NCOA1: variants seen among roughly 807,000 people sequenced by gnomAD.
NCOA1 encodes nuclear receptor coactivator 1.
Under a neutral mutation model 150.9 loss-of-function variants are expected in NCOA1, and 35 were observed. The ratio of observed to expected loss-of-function variants is 0.23; its 90% CI spans 0.18 to 0.31. The LOEUF (loss-of-function observed/expected upper bound fraction) is 0.31, where lower values mean the gene tolerates loss of function less well. Ranked by LOEUF, NCOA1 falls within the 10% of genes least tolerant of loss-of-function variation. NCOA1 has a pLI of 1.00. For missense variants in NCOA1, 1,491 were observed against 1,749.3 expected (o/e 0.85, Z 2.63); for synonymous variants, 590 against 630.0 (o/e 0.94, Z 0.95).
intron 1 of NCOA1, among the ~76,000 whole-genome samples, chr2:24,534,121 G>T (rs529893493): frequency 2.0e-5 from 3 of 152,214 alleles, no homozygotes; most frequent in African/African-American, 7.2e-5. Context: ...CAATTTCAGA[G>T]CCTGTTATTG....
chr2:24,522,612 T>G (rs1664462568), intron 1 of NCOA1, among the ~76,000 whole-genome samples: 1 of 152,052 alleles, frequency 6.6e-6, no homozygotes, highest in African/African-American at 2.4e-5. Context: ...TTAGCAATGG[T>G]ATAGAAATGG....
At chr2:24,594,528 A>T (rs1333223615) in intron 3 of NCOA1, among the ~76,000 whole-genome samples, 1 of 152,118 alleles carries the variant, frequency 6.6e-6, no homozygotes, top group Non-Finnish European at 1.5e-5. Flanking sequence ...ATCCTAGGAG[A>T]AATTTGCACA....
chr2:24,750,906 T>C (rs955711946), intron 19 of NCOA1, among the ~76,000 whole-genome samples: 2 of 146,822 alleles, frequency 1.4e-5, no homozygotes, highest in African/African-American at 5.1e-5. Flanking sequence ...TAAGTCTGAA[T>C]AAAGCTTAAA....
chr2:24,630,908 G>A (rs552094671), intron 3 of NCOA1, among the ~76,000 whole-genome samples: 1 of 152,084 alleles, frequency 6.6e-6, no homozygotes, highest in East Asian at 1.9e-4. Flanking sequence ...TACATGTATC[G>A]AATATTTTAC....
chr2:24,528,403 G>A (rs1664738938), intron 1 of NCOA1, among the ~76,000 whole-genome samples: 1 of 144,888 alleles, frequency 6.9e-6, no homozygotes, highest in African/African-American at 2.6e-5. Flanking sequence ...CTGGAATGCA[G>A]TGGTTTGATC....
chr2:24,521,172 A>T (rs1177810677), intron 1 of NCOA1, among the ~76,000 whole-genome samples: 1 of 152,172 alleles, frequency 6.6e-6, no homozygotes, highest in Non-Finnish European at 1.5e-5. Flanking sequence ...GGTATACAAC[A>T]TGGTATTTTG....
chr2:24,711,694 A>G (rs143618447), intron 14 of NCOA1, among the ~76,000 whole-genome samples: 7 of 152,338 alleles, frequency 4.6e-5, no homozygotes, highest in Non-Finnish European at 8.8e-5. Flanking sequence ...TTAGGAGACA[A>G]CTGTGTTAAA....
chr2:24,491,491 C>T lies in NCOA1; in HGVS notation c.-507C>T, dbSNP rs1662950513. ...GGACCCCTGCTCCGGAGGAGGGGGCCGGAGAGCCGCGGCGCCGGGCCCGAG... is the reference window on the plus strand; with the variant it reads ...GGACCCCTGCTCCGGAGGAGGGGGCTGGAGAGCCGCGGCGCCGGGCCCGAG... On this transcript the variant is annotated 5_prime_UTR_variant, in exon 1 of 23. Transcript: ENST00000348332. Among the ~76,000 whole-genome samples the T allele has an allele frequency of 2.0e-5, 2 of 101,524 alleles. No individual in the cohort carries two copies. The allele number at this position is 101,524 out of a possible 152,430, so 66.6% of individuals were successfully genotyped here. A position where few individuals can be genotyped will look rare whatever the true frequency, so the allele number is the denominator to read the frequency against.
chr2:24,645,877 A>G (rs1175309329), intron 4 of NCOA1, among the ~76,000 whole-genome samples: 1 of 152,216 alleles, frequency 6.6e-6, no homozygotes, highest in African/African-American at 2.4e-5. Context: ...TATTCTGATT[A>G]AAAAAGAAAG....
intron 19 of NCOA1, among the ~76,000 whole-genome samples, chr2:24,748,365 A>G (rs1664045757): frequency 2.0e-5 from 3 of 152,098 alleles, no homozygotes; most frequent in South Asian, 4.1e-4. Flanking sequence ...TAATCCCAGC[A>G]CTTTGGGAGG....
chr2:24,689,613 C>T (rs899069329), intron 8 of NCOA1, among the ~76,000 whole-genome samples: 8 of 152,116 alleles, frequency 5.3e-5, no homozygotes, highest in Non-Finnish European at 1.0e-4. Flanking sequence ...AGGATGGTCT[C>T]GATCTCTGAC....
chr2:24,517,211 A>G (rs1210282376), intron 1 of NCOA1, among the ~76,000 whole-genome samples: 2 of 151,684 alleles, frequency 1.3e-5, no homozygotes, highest in Admixed American at 6.6e-5. Context: ...CTTGTAGAGA[A>G]TTGAGTTTGT....
intron 2 of NCOA1, among the ~76,000 whole-genome samples, chr2:24,582,121 A>G (rs1667216728): frequency 6.6e-6 from 1 of 152,218 alleles, no homozygotes; most frequent in Non-Finnish European, 1.5e-5. Flanking sequence ...AATAGGCAAG[A>G]GAAGGAAATA....
At chr2:24,520,075 A>C (rs1664358572) in intron 1 of NCOA1, among the ~76,000 whole-genome samples, 1 of 152,174 alleles carries the variant, frequency 6.6e-6, no homozygotes, top group Non-Finnish European at 1.5e-5. Flanking sequence ...GATCACTAAC[A>C]CCTTTTAAAA....
At chr2:24,736,392 T>G (rs6545698) in intron 17 of NCOA1, among the ~76,000 whole-genome samples, 38,860 of 151,932 alleles carry the variant, frequency 0.26, 5,004 homozygotes, top group Non-Finnish European at 0.27. Context: ...TAAACAAATA[T>G]GGTATACTTA....
intron 1 of NCOA1, among the ~76,000 whole-genome samples, chr2:24,505,256 G>A (rs1313705315): frequency 6.6e-6 from 1 of 150,506 alleles, no homozygotes; most frequent in East Asian, 2.0e-4. Flanking sequence ...GGGCAATCTC[G>A]GCTCACCGCA....
intron 2 of NCOA1, among the ~76,000 whole-genome samples, chr2:24,569,867 C>T (rs55765855): frequency 2.2e-5 from 3 of 139,344 alleles, no homozygotes; most frequent in South Asian, 2.2e-4. Flanking sequence ...GATACTCCGT[C>T]TGAAAAAAAA....
intron 7 of NCOA1, among the ~76,000 whole-genome samples, chr2:24,679,225 A>G (rs1001789241): frequency 1.3e-5 from 2 of 152,256 alleles, no homozygotes; most frequent in South Asian, 2.1e-4. Context: ...CTCTGTATGC[A>G]GTACAACATA....
At chr2:24,685,362 G>A (rs1672354087) in intron 8 of NCOA1, among the ~76,000 whole-genome samples, 1 of 152,118 alleles carries the variant, frequency 6.6e-6, no homozygotes, top group African/African-American at 2.4e-5. Context: ...AAAAGAACAA[G>A]TATACATGGA....
Sources: gnomAD v4.1 joint callset for allele counts (sites outside exome capture counted in the v4.1 genomes callset) on GRCh38, gnomAD v4.1.1 for gene constraint, MANE v1.5 for transcripts, NCBI Gene and HGNC (gene_info 2026-07-23, HGNC 2026-07-21) for gene names.